Variants in KIRREL3 observed in about 807,000 individuals in gnomAD.
The protein encoded by KIRREL3 is kirre like nephrin family adhesion molecule 3, also known as kin of IRRE-like protein 3.
In KIRREL3, 36 loss-of-function variants were observed where a neutral mutation model predicts 89.7. The ratio of observed to expected loss-of-function variants is 0.40; its 90% CI spans 0.31 to 0.53. The LOEUF (loss-of-function observed/expected upper bound fraction) is 0.53, where lower values mean the gene tolerates loss of function less well. KIRREL3 is among the 20% of genes least tolerant of loss of function. KIRREL3 has a pLI of 0.49. For missense variants in KIRREL3, 864 were observed against 1,056.6 expected, an observed-to-expected ratio of 0.82 and a Z score of 2.53; for synonymous variants, 445 against 441.4, an observed-to-expected ratio of 1.01 and a Z score of -0.10.
At chr11:126,858,765 G>T (rs1415051807) in intron 1 of KIRREL3, among the ~76,000 whole-genome samples, 1 of 152,182 alleles carries the variant, frequency 6.6e-6, no homozygotes, top group Non-Finnish European at 1.5e-5. Flanking sequence ...AGTGTCTTCT[G>T]CAAATGATGC....
rs4144611 is a variant in KIRREL3, at chr11:126,564,778, T to G, written c.56-1866A>C. ...CCTTCAAGAGGCAGGAATGCAGCCT[T>G]CCAGGAGGGGGCCAGTGGAAGTACA... On this transcript the variant is annotated intron_variant, in intron 1 of 16. Transcript: ENST00000525144. This position sits in a 1 kb window ranked among gnomAD's most constrained non-coding sequence, Gnocchi z 7.4. 0.42 allele frequency among the ~76,000 whole-genome samples: 63,813 copies of G among 152,004 alleles called. 13,644 individuals are homozygous for G. Among genetic ancestry groups the G allele is most frequent in the Admixed American group, 0.52 (7,930 of 15,272 alleles).
chr11:126,627,495 C>T lies in KIRREL3; in HGVS notation c.56-64583G>A, dbSNP rs972588662. 6.6e-6 allele frequency among the ~76,000 whole-genome samples: 1 copy of T among 152,216 alleles called. No homozygotes were observed. Among genetic ancestry groups the T allele is most frequent in the African/African-American group, 2.4e-5 (1 of 41,456 alleles). ...ACCTGGTGATGGGAACAAGCTTCTC[C>T]TTAATTAAGAATGTCATAGCAGCCT... is the stretch of plus-strand genomic sequence containing the variant. On this transcript the variant is annotated intron_variant, in intron 1 of 16. Transcript: ENST00000525144. This position sits in a 1 kb window ranked among gnomAD's most constrained non-coding sequence, Gnocchi z 5.0.
At chr11:126,878,026 G>A (rs575997943) in intron 1 of KIRREL3, among the ~76,000 whole-genome samples, 1 of 152,220 alleles carries the variant, frequency 6.6e-6, no homozygotes, top group Admixed American at 6.5e-5. Flanking sequence ...TGAAAACCTG[G>A]ACACCCTAGG....
intron 1 of KIRREL3, among the ~76,000 whole-genome samples, chr11:126,573,257 G>A (rs531713407): frequency 6.6e-6 from 1 of 152,204 alleles, no homozygotes; most frequent in Non-Finnish European, 1.5e-5. Flanking sequence ...GGAATGCTGC[G>A]CACCTTCACT....
At position 127,000,701 on chromosome 11, in the gene KIRREL3, G is replaced by C; in HGVS notation, c.-192C>G. 1.8e-6 allele frequency: 1 copy of C among 556,410 alleles called. No individual in the cohort carries two copies. Among genetic ancestry groups the C allele is most frequent in the South Asian group, 2.5e-5 (1 of 39,790 alleles). The allele number at this position is 556,410 out of a possible 1,614,324, so 34.5% of individuals were successfully genotyped here. Reference sequence around the variant, plus strand: ...TATCTGCAGCCAGCCGACACAAACTGCCTGTTCTTAGCCGCCTCGGGAAGC... The same window carrying C: ...TATCTGCAGCCAGCCGACACAAACTCCCTGTTCTTAGCCGCCTCGGGAAGC... On this transcript the variant is annotated 5_prime_UTR_variant, in exon 1 of 17. Coordinates refer to ENST00000525144, the MANE Select transcript of KIRREL3 (RefSeq NM_032531.4). This position sits in a 1 kb window ranked among gnomAD's most constrained non-coding sequence, Gnocchi z 7.1.
Position 126,940,382 on chromosome 11 carries a change from G to C in KIRREL3, c.55+60073C>G, listed in dbSNP as rs1184032870. The C allele has an allele frequency of 7.1e-6, 1 of 140,924 alleles. No homozygotes were observed. The highest frequency in any genetic ancestry group is 1.5e-5 in the Non-Finnish European group (1 of 65,680). 8.7% of individuals were successfully genotyped at this position (140,924 alleles called of 1,614,324 possible). A position where few individuals can be genotyped will look rare whatever the true frequency, so the allele number is the denominator to read the frequency against. ...TAATTACGCCAGTAGATTTACTTTT[G>C]CTATGCCGCCCTAGATTATGAAAAA... On this transcript the variant is annotated intron_variant, in intron 1 of 16. Coordinates refer to ENST00000525144, the MANE Select transcript of KIRREL3 (RefSeq NM_032531.4). This position sits in a 1 kb window ranked among gnomAD's most constrained non-coding sequence, Gnocchi z 4.6.
At chr11:126,634,223 C>T (rs1397109868) in intron 1 of KIRREL3, among the ~76,000 whole-genome samples, 1 of 152,234 alleles carries the variant, frequency 6.6e-6, no homozygotes, top group Non-Finnish European at 1.5e-5. Context: ...GAATCAGACC[C>T]TACTCTACTT....
At position 126,564,073 on chromosome 11, in the gene KIRREL3, G is replaced by T. The variant is rs1020439613; in HGVS notation, c.56-1161C>A. Among the ~76,000 whole-genome samples, 1 of 152,242 alleles carries T rather than the reference G, an allele frequency of 6.6e-6. No homozygotes were observed. Among genetic ancestry groups the T allele is most frequent in the Non-Finnish European group, 1.5e-5 (1 of 68,036 alleles). ...GATAAGGAATTTGATTTCTGGAAGA[G>T]GGAATATGACTGCAGCTCTTCCTGG... On this transcript the variant is annotated intron_variant, in intron 1 of 16. Coordinates refer to ENST00000525144, the MANE Select transcript of KIRREL3 (RefSeq NM_032531.4). This position sits in a 1 kb window ranked among gnomAD's most constrained non-coding sequence, Gnocchi z 7.4.
chr11:126,647,006 A>T lies in KIRREL3; in HGVS notation c.56-84094T>A, dbSNP rs141979521. 1.1e-3 allele frequency among the ~76,000 whole-genome samples: 172 copies of T among 152,332 alleles called. No individual in the cohort carries two copies. Among genetic ancestry groups the T allele is most frequent in the African/African-American group, 3.5e-3 (146 of 41,576 alleles). On this transcript the variant is annotated intron_variant, in intron 1 of 16. Coordinates refer to ENST00000525144, the MANE Select transcript of KIRREL3 (RefSeq NM_032531.4). This position sits in a 1 kb window ranked among gnomAD's most constrained non-coding sequence, Gnocchi z 4.9. ...AGACTTTAATGATCCTCAATGGTAT[A>T]AACTGAATTTTTATTCCTACAGCAA...
chr11:126,832,310 G>C (rs764681296), intron 1 of KIRREL3, among the ~76,000 whole-genome samples: 2 of 152,156 alleles, frequency 1.3e-5, no homozygotes, highest in Non-Finnish European at 2.9e-5. Flanking sequence ...ATGCATGTTT[G>C]CTTTGAAAGT....
chr11:126,429,432 C>T lies in KIRREL3; in HGVS notation c.1697-144G>A, dbSNP rs772074108. 4 of 652,664 alleles carry T rather than the reference C, an allele frequency of 6.1e-6. No homozygotes were observed. The highest frequency in any genetic ancestry group is 1.1e-5 in the Non-Finnish European group (4 of 358,514). The allele number at this position is 652,664 out of a possible 1,614,324, so 40.4% of individuals were successfully genotyped here. A position where few individuals can be genotyped will look rare whatever the true frequency, so the allele number is the denominator to read the frequency against. ...GAACTCAGCAGCTTCACCAGCCCCCCACCAATAGAACCTCCATATGGAGAT... is the reference window on the plus strand; with the variant it reads ...GAACTCAGCAGCTTCACCAGCCCCCTACCAATAGAACCTCCATATGGAGAT... On this transcript the variant is annotated intron_variant, in intron 14 of 16. Transcript: ENST00000525144. The surrounding 1 kb of genome is among the most constrained non-coding windows in gnomAD (Gnocchi z 5.2).
intron 1 of KIRREL3, among the ~76,000 whole-genome samples, chr11:126,972,168 TAGAGAGAGAG>T (rs61426707): frequency 1.0e-4 from 12 of 119,908 alleles, no homozygotes; most frequent in Admixed American, 1.7e-4. Context: ...GAGGGTCTGG[TAGAGAGAGAG>T]AGAGAGAGAG....
chr11:126,757,819 C>G (rs1434489678), intron 1 of KIRREL3, among the ~76,000 whole-genome samples: 1 of 152,172 alleles, frequency 6.6e-6, no homozygotes, highest in Non-Finnish European at 1.5e-5. Context: ...GAAATCTAGT[C>G]AAGGATCTCC....
chr11:126,670,457 AATAAG>A (rs1945885378), intron 1 of KIRREL3, among the ~76,000 whole-genome samples: 2 of 152,356 alleles, frequency 1.3e-5, no homozygotes, highest in Non-Finnish European at 2.9e-5. Context: ...AGCTTAGTGC[AATAAG>A]ATAAGTAAAA....
Position 126,998,576 on chromosome 11 carries a change from C to G in KIRREL3, c.55+1879G>C, listed in dbSNP as rs76497673. Among the ~76,000 whole-genome samples the G allele has an allele frequency of 3.4e-3, 513 of 152,282 alleles. 5 individuals carry two copies. Among genetic ancestry groups the G allele is most frequent in the African/African-American group, 0.012 (483 of 41,546 alleles). ...CTCTCAGGACTCGGGGTAGATAAAA[C>G]AGAGCATTTAACCTCCATAGGTAAA... On this transcript the variant is annotated intron_variant, in intron 1 of 16. Coordinates refer to ENST00000525144, the MANE Select transcript of KIRREL3 (RefSeq NM_032531.4).
chr11:126,524,152 T>G (rs1314059331), intron 3 of KIRREL3, among the ~76,000 whole-genome samples: 1 of 152,234 alleles, frequency 6.6e-6, no homozygotes, highest in Admixed American at 6.5e-5. Flanking sequence ...GGTGAGTTAC[T>G]TTAACTTCTT....
In KIRREL3 at chr11:126,755,652, C is replaced by T. The variant is rs1949469377; in HGVS notation, c.56-192740G>A. ...CCCTGAGTGCCTGTACACCCCCGCC[C>T]CCAATTCTTGTTGCCAGAGAGCCCT... On this transcript the variant is annotated intron_variant, in intron 1 of 16. Transcript: ENST00000525144. The surrounding 1 kb of genome is among the most constrained non-coding windows in gnomAD (Gnocchi z 4.3). Among the ~76,000 whole-genome samples, 1 of 152,158 alleles carries T rather than the reference C, an allele frequency of 6.6e-6. No individual in the cohort carries two copies. The highest frequency in any genetic ancestry group is 6.5e-5 in the Admixed American group (1 of 15,274).
chr11:126,453,913 G>A lies in KIRREL3; in HGVS notation c.848+2436C>T, dbSNP rs1956259194. ...CTCCCAGCTCCTGCTTGGTATAGGA[G>A]GGGCCGGCTGTGATACTGTGAGCTC... is the stretch of plus-strand genomic sequence containing the variant. On this transcript the variant is annotated intron_variant, in intron 7 of 16. Coordinates refer to ENST00000525144, the MANE Select transcript of KIRREL3 (RefSeq NM_032531.4). Among the ~76,000 whole-genome samples the A allele has an allele frequency of 2.0e-5, 3 of 152,218 alleles. No individual in the cohort carries two copies. The South Asian group carries it at 6.2e-4, about 31-fold the overall frequency.
intron 1 of KIRREL3, among the ~76,000 whole-genome samples, chr11:126,966,256 T>C (rs1481050656): frequency 6.6e-6 from 1 of 152,032 alleles, no homozygotes; most frequent in African/African-American, 2.4e-5. Context: ...GTTTACAGGG[T>C]TTAATATTTA....
Sources: allele counts gnomAD v4.1 joint callset (sites outside exome capture counted in the v4.1 genomes callset), GRCh38; gene constraint gnomAD v4.1.1; non-coding constraint Gnocchi (gnomAD v3.1); transcripts MANE v1.5; gene names NCBI Gene and HGNC (gene_info 2026-07-23, HGNC 2026-07-21).